The following ADAMTSL1 variants were observed in gnomAD, a reference collection of about 807,000 sequenced individuals.
The protein encoded by ADAMTSL1 is ADAMTS-like protein 1.
In ADAMTSL1, 126 loss-of-function variants were observed where a neutral mutation model predicts 201.8. The ratio of observed to expected loss-of-function variants is 0.62; its 90% CI spans 0.54 to 0.72. The LOEUF (loss-of-function observed/expected upper bound fraction) is 0.72. ADAMTSL1 is among the 30% of genes least tolerant of loss of function. ADAMTSL1 has a pLI of 0.00. For missense variants in ADAMTSL1, 2,679 were observed against 2,277.8 expected (o/e 1.18, Z -3.59); for synonymous variants, 1,121 against 903.4 (o/e 1.24, Z -4.32).
In ADAMTSL1 at chr9:18,644,895, A is replaced by G. The variant is rs1267859838; in HGVS notation, c.834+5484A>G. Reference sequence around the variant, plus strand: ...CAGCATGATTTATAGTCCTTTGGGTATATACCCAGTAATGGGATGGCTGGG... The same window carrying G: ...CAGCATGATTTATAGTCCTTTGGGTGTATACCCAGTAATGGGATGGCTGGG... On this transcript the variant is annotated intron_variant, in intron 7 of 28. Coordinates refer to ENST00000380548, the MANE Select transcript of ADAMTSL1 (RefSeq NM_001040272.6). Among the ~76,000 whole-genome samples the G allele has an allele frequency of 3.3e-5, 5 of 151,760 alleles. No individual in the cohort carries two copies. In the South Asian group the frequency reaches 6.2e-4, roughly 19 times the overall value.
intron 23 of ADAMTSL1, among the ~76,000 whole-genome samples, chr9:18,878,634 T>C (rs1828325923): frequency 6.6e-6 from 1 of 152,256 alleles, no homozygotes; most frequent in Non-Finnish European, 1.5e-5. Flanking sequence ...CCCAGTTTTT[T>C]GGCTGTTCTC....
intron 23 of ADAMTSL1, among the ~76,000 whole-genome samples, chr9:18,875,775 G>C (rs534785046): frequency 6.6e-6 from 1 of 152,208 alleles, no homozygotes; most frequent in South Asian, 2.1e-4. Flanking sequence ...ATTTGTTCTA[G>C]GTTATAGTTT....
At chr9:18,732,653 G>A (rs75309094) in intron 15 of ADAMTSL1, among the ~76,000 whole-genome samples, 119 of 152,232 alleles carry the variant, frequency 7.8e-4, no homozygotes, top group African/African-American at 2.1e-3. Flanking sequence ...TATTCCTAGC[G>A]TTGTCTCCTC....
intron 15 of ADAMTSL1, chr9:18,723,191 A>G (rs1367528097): frequency 2.9e-6 from 2 of 701,454 alleles, no homozygotes; most frequent in African/African-American, 1.8e-5. Context: ...CTGAGATCCC[A>G]TGACTTGCTC....
chr9:18,820,094 T>G (rs1824118603), intron 21 of ADAMTSL1, among the ~76,000 whole-genome samples: 1 of 152,244 alleles, frequency 6.6e-6, no homozygotes. Context: ...ATACTCTAGC[T>G]TGAGAATTTG....
chr9:18,675,714 A>T, intron 9 of ADAMTSL1, 143 bp from the exon 10 acceptor site: 1 of 721,800 alleles, frequency 1.4e-6, no homozygotes, highest in Non-Finnish European at 2.3e-6. Context: ...AAAGATATAA[A>T]ACTGTTTTAG....
Position 18,079,723 on chromosome 9 carries a change from AAAT to A in ADAMTSL1, c.88-84136_88-84134del, listed in dbSNP as rs1419963717. On this transcript the variant is annotated intron_variant, in intron 1 of 29. Transcript: ENST00000680146. ...TAAATAAATAAATAAATAAATAAAT[AAAT>A]AAAATAAAAAATAAAAAGCAACCAT... Among the ~76,000 whole-genome samples, 508 of 146,716 alleles carry A rather than the reference AAAT, an allele frequency of 3.5e-3. 4 individuals are homozygous for A. The highest frequency in any genetic ancestry group is 0.012 in the African/African-American group (465 of 39,228).
intron 1 of ADAMTSL1, among the ~76,000 whole-genome samples, chr9:18,121,812 A>G (rs1265769595): frequency 1.3e-5 from 2 of 152,102 alleles, no homozygotes; most frequent in Non-Finnish European, 2.9e-5. Flanking sequence ...CCTGGTGACC[A>G]TTTCTGCTAC....
chr9:18,855,073 C>G (rs1314594479), intron 23 of ADAMTSL1, among the ~76,000 whole-genome samples: 5 of 152,034 alleles, frequency 3.3e-5, no homozygotes, highest in Non-Finnish European at 7.4e-5. Context: ...TACTCTGTGC[C>G]AAGAATTCTG....
chr9:18,103,397 T>C (rs1462034013), intron 1 of ADAMTSL1, among the ~76,000 whole-genome samples: 1 of 152,176 alleles, frequency 6.6e-6, no homozygotes, highest in Non-Finnish European at 1.5e-5. Flanking sequence ...GCGATTGTAA[T>C]CTTTTCAGGG....
intron 2 of ADAMTSL1, among the ~76,000 whole-genome samples, chr9:18,199,069 T>G: frequency 7.9e-6 from 1 of 125,958 alleles, no homozygotes. Context: ...TGAGAACACA[T>G]GGACACAGGA....
chr9:18,776,698 C>G, intron 18 of ADAMTSL1, 83 bp from the exon 19 acceptor site: 1 of 1,394,682 alleles, frequency 7.2e-7, no homozygotes, highest in South Asian at 1.5e-5. Flanking sequence ...TTTCCTTTGC[C>G]CCTCTCTCCT....
At chr9:18,050,835 CA>C (rs1469906504) in intron 1 of ADAMTSL1, among the ~76,000 whole-genome samples, 1 of 152,064 alleles carries the variant, frequency 6.6e-6, no homozygotes, top group South Asian at 2.1e-4. Context: ...GTTTCCATGT[CA>C]AAAAGCTTGT....
chr9:18,468,570 ACT>A (rs1408395439), intron 2 of ADAMTSL1, among the ~76,000 whole-genome samples: 1 of 151,936 alleles, frequency 6.6e-6, no homozygotes, highest in East Asian at 1.9e-4. Context: ...GGTGAACATA[ACT>A]CTCATTGTCC....
chr9:18,610,771 C>G (rs1825316347), intron 4 of ADAMTSL1, among the ~76,000 whole-genome samples: 1 of 152,102 alleles, frequency 6.6e-6, no homozygotes, highest in African/African-American at 2.4e-5. Context: ...TTCACCTTTC[C>G]TTTTCCATCC....
In ADAMTSL1 at chr9:18,675,884, T is replaced by C; in HGVS notation, c.1113T>C (p.Tyr371=). The C allele has an allele frequency of 6.2e-7, 1 of 1,613,324 alleles. No homozygotes were observed. Among genetic ancestry groups the C allele is most frequent in the Non-Finnish European group, 8.5e-7 (1 of 1,179,364 alleles). Residue 371 remains tyrosine (Y), a synonymous_variant, in exon 10 of 29, where the codon TAT becomes TAC. Transcript: ENST00000380548. ...ASDGYKQIMP[Y]DLYHPLPRWE... is the part of the protein sequence containing the mutation. ...ACGGATACAAGCAGATCATGCCTTA[T>C]GACCTCTACCATCCCCTTCCTCGGT...
chr9:17,924,576 C>G (rs1293259292), intron 1 of ADAMTSL1, among the ~76,000 whole-genome samples: 6 of 149,944 alleles, frequency 4.0e-5, no homozygotes, highest in African/African-American at 1.5e-4. Flanking sequence ...TGATCTTTGA[C>G]AAACCTGAGA....
intron 13 of ADAMTSL1, among the ~76,000 whole-genome samples, chr9:18,691,813 G>T (rs1043150036): frequency 7.9e-5 from 12 of 152,126 alleles, no homozygotes; most frequent in Non-Finnish European, 1.6e-4. Flanking sequence ...ACCTCATAGG[G>T]TTCTTCTGAG....
chr9:18,804,222 T>C (rs1822969540), intron 20 of ADAMTSL1, among the ~76,000 whole-genome samples: 1 of 152,204 alleles, frequency 6.6e-6, no homozygotes, highest in Non-Finnish European at 1.5e-5. Flanking sequence ...TTGACTCTGT[T>C]GTATTTTGGG....
Sources: allele counts gnomAD v4.1 joint callset (sites outside exome capture counted in the v4.1 genomes callset), GRCh38; gene constraint gnomAD v4.1.1; transcripts MANE v1.5; gene names NCBI Gene and HGNC (gene_info 2026-07-23, HGNC 2026-07-21).